The following DUSP22 variants were observed in gnomAD, a reference collection of about 807,000 sequenced individuals.
DUSP22 encodes the protein dual specificity protein phosphatase 22.
In DUSP22, 24 loss-of-function variants were observed where a neutral mutation model predicts 24.5. The observed-to-expected ratio is 0.98, with a 90% confidence interval of 0.71 to 1.38. The LOEUF (loss-of-function observed/expected upper bound fraction) is 1.38, where lower values mean the gene tolerates loss of function less well. Among genes scored for constraint, DUSP22 ranks in the 40% most tolerant of loss-of-function variants. The pLI is 0.00. For missense variants in DUSP22, 330 were observed against 269.2 expected (o/e 1.23, Z -1.58); for synonymous variants, 160 against 106.4 (o/e 1.50, Z -3.10).
chr6:346,602 A>G (rs1407217904), intron 5 of DUSP22, among the ~76,000 whole-genome samples: 3 of 152,308 alleles, frequency 2.0e-5, no homozygotes, highest in African/African-American at 4.8e-5. Context: ...TAACATGGCT[A>G]ATTTGTTCAG....
chr6:350,814 CT>C lies in DUSP22; in HGVS notation c.*1865del, dbSNP rs1189433399. On this transcript the variant is annotated 3_prime_UTR_variant, in exon 7 of 7. Transcript: ENST00000419235. ...ATATTTGTTGCCAGTAATGTTCTTT[CT>C]TCACAGCCGCTCCGGGAATTCTGAA... 2 of 1,614,276 alleles carry C rather than the reference CT, an allele frequency of 1.2e-6. No homozygotes were observed. Among genetic ancestry groups the C allele is most frequent in the Admixed American group, 3.3e-5 (2 of 60,036 alleles).
At chr6:300,757 A>T (rs1239884213) in intron 1 of DUSP22, among the ~76,000 whole-genome samples, 1 of 152,286 alleles carries the variant, frequency 6.6e-6, no homozygotes, top group Non-Finnish European at 1.5e-5. Context: ...TTCTGCATTT[A>T]TGCATTTTTC....
chr6:307,525 G>C (rs1366953516), intron 2 of DUSP22, among the ~76,000 whole-genome samples: 2 of 152,310 alleles, frequency 1.3e-5, no homozygotes, highest in African/African-American at 4.8e-5. Context: ...CGATGCTTTG[G>C]TGAGAGCCTC....
intron 1 of DUSP22, among the ~76,000 whole-genome samples, chr6:303,804 C>T (rs375435594): frequency 1.1e-3 from 160 of 152,356 alleles, no homozygotes; most frequent in African/African-American, 3.6e-3. Context: ...AAGAAGCCAC[C>T]CCAATTTCTC....
At chr6:298,169 A>G (rs1757427262) in intron 1 of DUSP22, among the ~76,000 whole-genome samples, 1 of 152,310 alleles carries the variant, frequency 6.6e-6, no homozygotes, top group South Asian at 2.1e-4. Flanking sequence ...TTCGTGTTGA[A>G]GAACAGATGT....
At chr6:324,823 C>T (rs1167653625) in intron 3 of DUSP22, among the ~76,000 whole-genome samples, 2 of 152,306 alleles carry the variant, frequency 1.3e-5, no homozygotes, top group African/African-American at 4.8e-5. Context: ...GTCTACAAAG[C>T]CTGTAACCCA....
intron 4 of DUSP22, among the ~76,000 whole-genome samples, chr6:336,588 A>G (rs945959513): frequency 7.2e-5 from 11 of 152,306 alleles, no homozygotes; most frequent in Admixed American, 6.5e-5. Flanking sequence ...ATGGGTTGAC[A>G]TGGGAAAAGT....
In DUSP22 at chr6:308,770, G is replaced by A. The variant is rs529302998; in HGVS notation, c.56-3110G>A. On this transcript the variant is annotated intron_variant, in intron 2 of 6. Transcript: ENST00000419235. ...TGAATCATATACTTGATCAGGGTCC[G>A]TATTATGGTATGTGAATTATATCCC... 1.6e-4 allele frequency among the ~76,000 whole-genome samples: 24 copies of A among 152,428 alleles called. No homozygotes were observed. In the South Asian group the frequency reaches 2.1e-3, roughly 13 times the overall value.
At chr6:304,998 A>T (rs1281433289) in intron 2 of DUSP22, among the ~76,000 whole-genome samples, 1 of 152,300 alleles carries the variant, frequency 6.6e-6, no homozygotes, top group Non-Finnish European at 1.5e-5. Flanking sequence ...GTCACAGTTC[A>T]TCCGTGTTGC....
At chr6:315,718 G>A (rs1208706274) in intron 3 of DUSP22, among the ~76,000 whole-genome samples, 10 of 152,296 alleles carry the variant, frequency 6.6e-5, no homozygotes, top group South Asian at 2.1e-4. Flanking sequence ...CACACATCCC[G>A]TCCCTTTCCA....
chr6:346,934 G>C (rs925374668), intron 5 of DUSP22, among the ~76,000 whole-genome samples: 1 of 152,306 alleles, frequency 6.6e-6, no homozygotes, highest in Non-Finnish European at 1.5e-5. Flanking sequence ...CAGGGAGGAC[G>C]CTAGATAGTT....
intron 4 of DUSP22, chr6:337,253 G>A (rs1372056962): frequency 1.3e-5 from 2 of 152,480 alleles, no homozygotes; most frequent in Non-Finnish European, 2.9e-5. Flanking sequence ...CCTTGGGCAG[G>A]TCATTTTAAC....
intron 1 of DUSP22, among the ~76,000 whole-genome samples, chr6:299,461 A>C (rs1472744745): frequency 6.6e-6 from 1 of 152,308 alleles, no homozygotes; most frequent in African/African-American, 2.4e-5. Flanking sequence ...AGAAGTTGAA[A>C]TATTCATGGG....
Position 292,705 on chromosome 6 carries a change from C to T in DUSP22, c.21+145C>T, listed in dbSNP as rs1352500984. On this transcript the variant is annotated intron_variant, in intron 1 of 6. Coordinates refer to ENST00000419235, the MANE Select transcript of DUSP22 (RefSeq NM_001286555.3). ...CGGAGGGAGGGGCGGCGCGCCTGGG[C>T]GGCGACCGCGGAGTCGGGGTTCGGA... 25 of 1,253,690 alleles carry T rather than the reference C, an allele frequency of 2.0e-5. No homozygotes were observed. In the African/African-American group the frequency reaches 2.5e-4, roughly 12 times the overall value. The allele number at this position is 1,253,690 out of a possible 1,614,324, so 77.7% of individuals were successfully genotyped here.
intron 4 of DUSP22, among the ~76,000 whole-genome samples, chr6:343,797 A>G (rs1008987023): frequency 1.3e-5 from 2 of 152,224 alleles, no homozygotes; most frequent in Non-Finnish European, 2.9e-5. Context: ...TTCTGCAGTC[A>G]GTACCTGGGT....
intron 1 of DUSP22, among the ~76,000 whole-genome samples, chr6:299,768 T>TGCA (rs1412602728): frequency 6.6e-6 from 1 of 152,308 alleles, no homozygotes. Context: ...AGCACGCTGC[T>TGCA]GCAGCAGCTC....
chr6:301,782 G>A (rs1038139372), intron 1 of DUSP22, among the ~76,000 whole-genome samples: 4 of 152,300 alleles, frequency 2.6e-5, no homozygotes, highest in Admixed American at 2.0e-4. Flanking sequence ...CTTGACAACG[G>A]TGGTGGGAAA....
intron 1 of DUSP22, among the ~76,000 whole-genome samples, chr6:293,947 G>T (rs1581136023): frequency 1.3e-5 from 2 of 152,372 alleles, no homozygotes; most frequent in East Asian, 3.9e-4. Flanking sequence ...GAACAATAAA[G>T]ATGGTCATCA....
chr6:334,804 T>G (rs1759289275), intron 3 of DUSP22, among the ~76,000 whole-genome samples: 1 of 152,302 alleles, frequency 6.6e-6, no homozygotes, highest in African/African-American at 2.4e-5. Context: ...TCTGAGATGC[T>G]GGTTTTGAAA....
Sources: allele counts gnomAD v4.1 joint callset (sites outside exome capture counted in the v4.1 genomes callset), GRCh38; gene constraint gnomAD v4.1.1; transcripts MANE v1.5; gene names NCBI Gene and HGNC (gene_info 2026-07-23, HGNC 2026-07-21).